HDAC9: variants seen among roughly 807,000 people sequenced by gnomAD.
The protein encoded by HDAC9 is MEF-2 interacting transcription repressor (MITR) protein.
A neutral mutation model predicts 139.4 loss-of-function variants in HDAC9; 41 were observed. The ratio of observed to expected loss-of-function variants is 0.29; its 90% CI spans 0.23 to 0.38. HDAC9 has a LOEUF of 0.38. HDAC9 is among the 10% of genes least tolerant of loss of function. The probability of loss-of-function intolerance (pLI) is 1.00; values close to 1 mark genes in which losing one functional copy is unlikely to be tolerated. For missense variants in HDAC9, 1,147 were observed against 1,297.0 expected, an observed-to-expected ratio of 0.88 and a Z score of 1.78; for synonymous variants, 517 against 476.2, an observed-to-expected ratio of 1.09 and a Z score of -1.12.
intron 23 of HDAC9, among the ~76,000 whole-genome samples, chr7:18,937,996 G>T (rs578232068): frequency 3.5e-4 from 53 of 152,268 alleles, no homozygotes; most frequent in African/African-American, 1.1e-3. Context: ...ACTGTGTGGA[G>T]TTACATGTTT....
chr7:18,536,010 C>T (rs940631383), intron 2 of HDAC9, among the ~76,000 whole-genome samples: 11 of 152,232 alleles, frequency 7.2e-5, no homozygotes, highest in East Asian at 1.9e-4. Context: ...TTATGTTCCC[C>T]GGCCTGGCTC....
At chr7:18,322,348 A>C (rs1021380871) in intron 1 of HDAC9, among the ~76,000 whole-genome samples, 1 of 152,198 alleles carries the variant, frequency 6.6e-6, no homozygotes, top group African/African-American at 2.4e-5. Flanking sequence ...TATTGAGTGT[A>C]ACTGTCATGG....
chr7:18,810,786 T>C (rs78478381), intron 17 of HDAC9, among the ~76,000 whole-genome samples: 4,237 of 151,990 alleles, frequency 0.028, 196 homozygotes, highest in African/African-American at 0.097. Context: ...GTCTTTTCTA[T>C]GTGGCTTCTT....
rs147812330 is a variant in HDAC9, at chr7:18,879,266, A to G, written c.2803+4670A>G. On this transcript the variant is annotated intron_variant, in intron 22 of 25. Transcript: ENST00000686413. ...AATTTACAGATTCAATGCTATTTCT[A>G]TCAAACTACCAATGACATTCTTCAC... is the stretch of plus-strand genomic sequence containing the variant. Among the ~76,000 whole-genome samples, 1,003 of 152,300 alleles carry G rather than the reference A, an allele frequency of 6.6e-3. 24 individuals carry two copies. The highest frequency in any genetic ancestry group is 0.045 in the Admixed American group (683 of 15,282).
intron 12 of HDAC9, among the ~76,000 whole-genome samples, chr7:18,705,010 A>G (rs1057477531): frequency 6.6e-5 from 10 of 152,234 alleles, no homozygotes; most frequent in African/African-American, 2.4e-4. Flanking sequence ...CTAGTAGTCA[A>G]TTAAAAATAA....
At chr7:18,675,127 C>G (rs1029000232) in intron 12 of HDAC9, among the ~76,000 whole-genome samples, 1 of 151,928 alleles carries the variant, frequency 6.6e-6, no homozygotes, top group Non-Finnish European at 1.5e-5. Flanking sequence ...AGTGAATCAG[C>G]CTCCTCCTTG....
intron 1 of HDAC9, among the ~76,000 whole-genome samples, chr7:18,158,927 T>G (rs113959801): frequency 3.9e-5 from 6 of 152,352 alleles, no homozygotes; most frequent in African/African-American, 7.2e-5. Flanking sequence ...TATATTACAG[T>G]AGTAACGTAC....
chr7:18,847,376 C>T (rs182289231), intron 21 of HDAC9, among the ~76,000 whole-genome samples: 8 of 151,556 alleles, frequency 5.3e-5, no homozygotes, highest in Middle Eastern at 3.4e-3. Flanking sequence ...TTAGAGAGAA[C>T]GTTTATTTTT....
intron 7 of HDAC9, among the ~76,000 whole-genome samples, chr7:18,634,382 A>G (rs1045060597): frequency 2.7e-5 from 4 of 149,678 alleles, no homozygotes; most frequent in African/African-American, 9.9e-5. Flanking sequence ...CTCTAACTGG[A>G]TATCTTTACT....
rs1339595412 is a variant in HDAC9 at position 18,997,442 on chromosome 7, G to A, written c.*1380G>A. ...GTTATCCTCCTACCTCCTAAAATTC[G>A]ATTTCAACATATAACTCAAACACCT... is the stretch of plus-strand genomic sequence containing the variant. On this transcript the variant is annotated 3_prime_UTR_variant, in exon 26 of 26. Coordinates refer to ENST00000686413, the MANE Select transcript of HDAC9 (RefSeq NM_178425.4). 10 of 151,938 alleles carry A rather than the reference G, an allele frequency of 6.6e-5. No individual in the cohort carries two copies. Among genetic ancestry groups the A allele is most frequent in the Non-Finnish European group, 1.0e-4 (7 of 67,972 alleles). 9.4% of individuals were successfully genotyped at this position (151,938 alleles called of 1,614,324 possible).
chr7:18,118,695 G>A (rs577681394), intron 1 of HDAC9, among the ~76,000 whole-genome samples: 4 of 152,190 alleles, frequency 2.6e-5, no homozygotes, highest in Non-Finnish European at 2.9e-5. Flanking sequence ...GCTTAAGAAA[G>A]TAACATGGTC....
chr7:18,923,198 T>C (rs187299821), intron 22 of HDAC9, among the ~76,000 whole-genome samples: 381 of 152,224 alleles, frequency 2.5e-3, no homozygotes, highest in Middle Eastern at 0.014. Context: ...ACTTTTTTTA[T>C]CTTATACATC....
At chr7:18,824,044 G>GGAAGAAGAAGAGGAA (rs1562966371) in intron 17 of HDAC9, among the ~76,000 whole-genome samples, 1 of 67,118 alleles carries the variant, frequency 1.5e-5, no homozygotes, top group Non-Finnish European at 3.4e-5. Flanking sequence ...AAGAGGAAGA[G>GGAAGAAGAAGAGGAA]GAAGAAGAAG....
At chr7:18,976,450 G>A (rs914948289) in intron 25 of HDAC9, among the ~76,000 whole-genome samples, 25 of 152,188 alleles carry the variant, frequency 1.6e-4, no homozygotes, top group Non-Finnish European at 4.4e-5. Context: ...TCCAACAACT[G>A]GATAAAGGGG....
chr7:18,830,389 C>T (rs1585116651), intron 19 of HDAC9, among the ~76,000 whole-genome samples: 1 of 152,170 alleles, frequency 6.6e-6, no homozygotes, highest in East Asian at 1.9e-4. Flanking sequence ...GAACCTGGTA[C>T]ATCTGCACTT....
At chr7:18,438,351 G>A (rs1791416510) in intron 1 of HDAC9, among the ~76,000 whole-genome samples, 1 of 152,072 alleles carries the variant, frequency 6.6e-6, no homozygotes, top group South Asian at 2.1e-4. Context: ...GCTATGGGGT[G>A]TGCTGGGCAC....
intron 25 of HDAC9, among the ~76,000 whole-genome samples, chr7:18,978,568 A>G (rs1444247989): frequency 6.6e-6 from 1 of 152,190 alleles, no homozygotes. Context: ...TGATCAAAAA[A>G]ATGATTGATG....
chr7:18,748,674 A>C (rs1030332311), intron 13 of HDAC9, among the ~76,000 whole-genome samples: 2 of 152,352 alleles, frequency 1.3e-5, no homozygotes, highest in African/African-American at 4.8e-5. Context: ...AAAACAATTC[A>C]TAATGATTTA....
intron 22 of HDAC9, among the ~76,000 whole-genome samples, chr7:18,879,084 T>C (rs953217334): frequency 6.6e-6 from 1 of 151,964 alleles, no homozygotes; most frequent in African/African-American, 2.4e-5. Flanking sequence ...ATAAAACACC[T>C]AGGAATACAA....
Sources: gnomAD v4.1 joint callset for allele counts (sites outside exome capture counted in the v4.1 genomes callset) on GRCh38, gnomAD v4.1.1 for gene constraint, MANE v1.5 for transcripts, NCBI Gene and HGNC (gene_info 2026-07-23, HGNC 2026-07-21) for gene names.